The following ANXA8 variants were observed in gnomAD, a reference collection of about 807,000 sequenced individuals.
ANXA8 encodes annexin A8, also known as VAC-beta.
In ANXA8, 9 loss-of-function variants were observed where a neutral mutation model predicts 26.8. That is an observed-to-expected ratio of 0.34 (90% CI 0.20 to 0.59). ANXA8 has a LOEUF of 0.59. Ranked by LOEUF, ANXA8 falls within the 20% of genes least tolerant of loss-of-function variation. The pLI is 0.84. For missense variants in ANXA8, 83 were observed against 238.5 expected (o/e 0.35, Z 4.29); for synonymous variants, 39 against 94.8 (o/e 0.41, Z 3.42).
the ANXA8 span, among the ~76,000 whole-genome samples, chr10:47,498,113 C>G: frequency 1.6e-4 from 24 of 149,602 alleles, no homozygotes; most frequent in Non-Finnish European, 1.2e-4. Flanking sequence ...TTTCATCTGA[C>G]AAAACCAAAA....
chr10:47,495,967 T>A, the ANXA8 span, among the ~76,000 whole-genome samples: 2 of 151,366 alleles, frequency 1.3e-5, no homozygotes, highest in Non-Finnish European at 2.9e-5. Flanking sequence ...GGGTGTGGGA[T>A]CTGAGAGCAC....
the ANXA8 span, among the ~76,000 whole-genome samples, chr10:47,743,713 C>A: frequency 2.0e-5 from 3 of 149,810 alleles, no homozygotes; most frequent in African/African-American, 7.5e-5. Context: ...TCGCTCGGGT[C>A]CGGCTGCGGG....
chr10:47,775,338 A>G, the ANXA8 span, among the ~76,000 whole-genome samples: 1 of 149,290 alleles, frequency 6.7e-6, no homozygotes, highest in African/African-American at 2.5e-5. Context: ...GCGCCACTGC[A>G]CTCCAGCCTG....
the ANXA8 span, among the ~76,000 whole-genome samples, chr10:47,738,738 G>C: frequency 6.6e-6 from 1 of 151,914 alleles, no homozygotes; most frequent in East Asian, 1.9e-4. Flanking sequence ...CACCACACCT[G>C]GATAATTTTT....
chr10:47,652,959 T>C, the ANXA8 span, among the ~76,000 whole-genome samples: 1 of 151,406 alleles, frequency 6.6e-6, no homozygotes, highest in African/African-American at 2.4e-5. Flanking sequence ...AAGATCACTT[T>C]AGCTTTCTCC....
chr10:47,631,739 TAG>T, the ANXA8 span, among the ~76,000 whole-genome samples: 1 of 150,592 alleles, frequency 6.6e-6, no homozygotes, highest in Non-Finnish European at 1.5e-5. Flanking sequence ...TTTTCAGACT[TAG>T]AGAATTCATC....
the ANXA8 span, among the ~76,000 whole-genome samples, chr10:47,976,465 T>C: frequency 6.6e-6 from 1 of 151,378 alleles, no homozygotes; most frequent in African/African-American, 2.4e-5. Context: ...CCTAGCACTT[T>C]GGGAGGCTGA....
the ANXA8 span, among the ~76,000 whole-genome samples, chr10:47,956,720 C>A: frequency 6.6e-6 from 1 of 150,532 alleles, no homozygotes; most frequent in Non-Finnish European, 1.5e-5. Flanking sequence ...TAGGGTAGGG[C>A]TTCAATGAGC....
the ANXA8 span, among the ~76,000 whole-genome samples, chr10:47,707,967 C>T: frequency 1.5e-5 from 2 of 136,046 alleles, no homozygotes; most frequent in African/African-American, 2.5e-5. Context: ...ATGCAATCAA[C>T]CTAGGTGGCC....
At chr10:47,755,325 G>A in the ANXA8 span, among the ~76,000 whole-genome samples, 9 of 151,940 alleles carry the variant, frequency 5.9e-5, no homozygotes, top group South Asian at 6.2e-4. Flanking sequence ...GTGCGATCTC[G>A]GCTCACTGCA....
the ANXA8 span, among the ~76,000 whole-genome samples, chr10:47,566,365 C>A: frequency 6.7e-6 from 1 of 149,664 alleles, no homozygotes; most frequent in South Asian, 2.1e-4. Flanking sequence ...CTTTCGTGAA[C>A]TTTTTACACA....
At chr10:47,561,175 C>A in the ANXA8 span, among the ~76,000 whole-genome samples, 1 of 151,914 alleles carries the variant, frequency 6.6e-6, no homozygotes, top group Non-Finnish European at 1.5e-5. Context: ...TTAAGTCAAG[C>A]TGATTAACCT....
chr10:47,727,127 G>C, the ANXA8 span, among the ~76,000 whole-genome samples: 2 of 152,306 alleles, frequency 1.3e-5, no homozygotes, highest in South Asian at 2.1e-4. Context: ...AGGTTGACTT[G>C]CTTTACACCT....
chr10:47,678,785 A>T, the ANXA8 span, among the ~76,000 whole-genome samples: 1 of 151,010 alleles, frequency 6.6e-6, no homozygotes, highest in Non-Finnish European at 1.5e-5. Context: ...TCACACTTGT[A>T]ATCCTAGCAC....
At chr10:47,647,747 A>AT in the ANXA8 span, among the ~76,000 whole-genome samples, 13 of 151,660 alleles carry the variant, frequency 8.6e-5, no homozygotes, top group African/African-American at 3.2e-4. Context: ...AAAATATGCT[A>AT]TTGGTAGGCC....
At chr10:47,668,817 C>G in the ANXA8 span, among the ~76,000 whole-genome samples, 3 of 151,604 alleles carry the variant, frequency 2.0e-5, no homozygotes, top group African/African-American at 7.3e-5. Context: ...ATTGGAAGCT[C>G]TTAGTACCTC....
At chr10:47,664,500 G>A in the ANXA8 span, among the ~76,000 whole-genome samples, 168 of 151,564 alleles carry the variant, frequency 1.1e-3, 3 homozygotes, top group East Asian at 1.4e-3. Context: ...CTCGGGAGGC[G>A]GAGGTTGCAA....
upstream of ANXA8, among the ~76,000 whole-genome samples, chr10:47,486,715 C>G (rs1840055986): frequency 7.2e-6 from 1 of 138,000 alleles, no homozygotes; most frequent in Admixed American, 7.5e-5. Context: ...TTTGGGAGGC[C>G]CAGGCAGGCA....
the ANXA8 span, among the ~76,000 whole-genome samples, chr10:47,894,915 C>T: frequency 1.3e-5 from 2 of 152,006 alleles, no homozygotes; most frequent in Non-Finnish European, 2.9e-5. Context: ...ACACAGCATA[C>T]ACACATCACA....
Sources: gnomAD v4.1 joint callset for allele counts (sites outside exome capture counted in the v4.1 genomes callset) on GRCh38, gnomAD v4.1.1 for gene constraint, MANE v1.5 for transcripts, NCBI Gene and HGNC (gene_info 2026-07-23, HGNC 2026-07-21) for gene names.